The following IGDCC3 variants were observed in gnomAD, a reference collection of about 807,000 sequenced individuals.
IGDCC3 encodes immunoglobulin superfamily DCC subclass member 3.
IGDCC3 carries 47 observed loss-of-function variants against 72.0 expected under a neutral mutation model. That is an observed-to-expected ratio of 0.65 (90% confidence interval 0.52 to 0.83). The LOEUF (loss-of-function observed/expected upper bound fraction) is 0.83, where lower values mean the gene tolerates loss of function less well. Ranked by LOEUF, IGDCC3 falls within the 40% of genes least tolerant of loss-of-function variation. IGDCC3 has a pLI of 0.00. For synonymous variants in IGDCC3, 477 were observed against 472.8 expected (o/e 1.01, Z -0.11); for missense variants, 1,038 against 1,091.3 (o/e 0.95, Z 0.69).
chr15:65,328,368 T>G lies in IGDCC3; in HGVS notation c.*541A>C, dbSNP rs2090940378. The stretch of plus-strand genomic sequence containing the variant: ...AGAGGGGGTCCCCAGCAAGGGGACT[T>G]GAGGTAGGAGTGCATTCGGGCTCTG... On this transcript the variant is annotated 3_prime_UTR_variant, in exon 14 of 14. Coordinates refer to ENST00000327987, the MANE Select transcript of IGDCC3 (RefSeq NM_004884.4). 1 of 145,230 alleles carries G rather than the reference T, an allele frequency of 6.9e-6. No homozygotes were observed. Among genetic ancestry groups the G allele is most frequent in the Non-Finnish European group, 1.5e-5 (1 of 66,728 alleles). The allele number at this position is 145,230 out of a possible 1,614,324, so 9.0% of individuals were successfully genotyped here.
At chr15:65,351,318 C>T (rs953990100) in intron 2 of IGDCC3, among the ~76,000 whole-genome samples, 79 of 152,280 alleles carry the variant, frequency 5.2e-4, no homozygotes, top group African/African-American at 1.7e-3. Flanking sequence ...GGGCAGATCA[C>T]AAGGTCAGGA....
rs2090946164 is a variant in IGDCC3 at position 65,328,776 on chromosome 15, C to T, written c.*133G>A. 1 of 1,206,522 alleles carries T rather than the reference C, an allele frequency of 8.3e-7. No homozygotes were observed. The highest frequency in any genetic ancestry group is 1.6e-5 in the African/African-American group (1 of 63,516). 74.7% of individuals were successfully genotyped at this position (1,206,522 alleles called of 1,614,324 possible). On this transcript the variant is annotated 3_prime_UTR_variant, in exon 14 of 14. Transcript: ENST00000327987. Reference sequence around the variant, plus strand: ...CAAGGCTGCCTTGGGTTTTGACAACCCAAGAGGCAGTCAGGATAGAAATGC... The same window carrying T: ...CAAGGCTGCCTTGGGTTTTGACAACTCAAGAGGCAGTCAGGATAGAAATGC...
chr15:65,371,922 G>A (rs1038009105), intron 2 of IGDCC3, among the ~76,000 whole-genome samples: 10 of 152,238 alleles, frequency 6.6e-5, no homozygotes, highest in African/African-American at 2.4e-4. Context: ...AGAACCCTCA[G>A]TCCTCCCAGG....
intron 2 of IGDCC3, among the ~76,000 whole-genome samples, chr15:65,372,182 T>C (rs572675409): frequency 6.6e-6 from 1 of 152,324 alleles, no homozygotes; most frequent in Admixed American, 6.5e-5. Context: ...GCTTCCTGCG[T>C]GCCAGGCAAA....
rs1595747739 is a variant in IGDCC3, at chr15:65,329,240, T to TA, written c.2206-93_2206-92insT. 18 of 1,514,326 alleles carry TA rather than the reference T, an allele frequency of 1.2e-5. No individual in the cohort carries two copies. The East Asian group carries it at 4.1e-4, about 34-fold the overall frequency. The allele number at this position is 1,514,326 out of a possible 1,614,324, so 93.8% of individuals were successfully genotyped here. A position where few individuals can be genotyped will look rare whatever the true frequency, so the allele number is the denominator to read the frequency against. On this transcript the variant is annotated intron_variant, in intron 13 of 13. Coordinates refer to ENST00000327987, the MANE Select transcript of IGDCC3 (RefSeq NM_004884.4). This position sits in a 1 kb window ranked among gnomAD's most constrained non-coding sequence, Gnocchi z 4.1. Reference sequence around the variant, plus strand: ...ACTTGGGCCTTAGGGTCTCCAGGTCTCCCTGCCTGACTCAGGGACACAAAG... The same window carrying TA: ...ACTTGGGCCTTAGGGTCTCCAGGTCTACCCTGCCTGACTCAGGGACACAAAG...
rs1394271551 is a variant in IGDCC3, at chr15:65,329,851, T to G, written c.1872A>C (p.Pro624=). Residue 624 remains proline (P), a synonymous_variant, in exon 12 of 14, where the codon CCA becomes CCC. Coordinates refer to ENST00000327987, the MANE Select transcript of IGDCC3 (RefSeq NM_004884.4). The surrounding 1 kb of genome is among the most constrained non-coding windows in gnomAD (Gnocchi z 4.1). The part of the protein sequence containing the change: ...GASERTALSP[P]CDCRKEEAAN... ...CGGCCTCCTCCTTCCGGCAGTCACA[T>G]GGTGGGCTCAAGGCTGGGGACAGGG... is the stretch of plus-strand genomic sequence containing the variant. 1 of 1,613,890 alleles carries G rather than the reference T, an allele frequency of 6.2e-7. No individual in the cohort carries two copies. The highest frequency in any genetic ancestry group is 8.5e-7 in the Non-Finnish European group (1 of 1,180,030).
chr15:65,369,235 C>A (rs143367051), intron 2 of IGDCC3, among the ~76,000 whole-genome samples: 28 of 152,160 alleles, frequency 1.8e-4, no homozygotes, highest in Middle Eastern at 3.4e-3. Context: ...GAGGCAGGCA[C>A]GTCTTGAAGA....
intron 2 of IGDCC3, among the ~76,000 whole-genome samples, chr15:65,340,078 G>T (rs1427574201): frequency 1.3e-5 from 2 of 152,162 alleles, no homozygotes; most frequent in Non-Finnish European, 2.9e-5. Context: ...AGAGACAGAG[G>T]GCAGAGAGTG....
chr15:65,331,125 A>G lies in IGDCC3; in HGVS notation c.1486T>C (p.Phe496Leu), dbSNP rs779728815. 16 of 1,613,908 alleles carry G rather than the reference A, an allele frequency of 9.9e-6. No individual in the cohort carries two copies. The highest frequency in any genetic ancestry group is 1.3e-5 in the African/African-American group (1 of 74,888). The change falls in exon 9 of 14, where the codon TTC becomes CTC. Residue 496 changes from phenylalanine (F) to leucine (L), a missense_variant. Phe to Leu is a conservative substitution (Grantham distance 22). Transcript: ENST00000327987. The part of the protein sequence containing the change: ...SDLEPSTAYS[F>L]YIKAYTPRGA... Reference sequence around the variant, plus strand: ...CTTGGTGTGTAGGCCTTGATGTAGAAACTGTAGGCTGTGGAGGGCTCCAGG... The same window carrying G: ...CTTGGTGTGTAGGCCTTGATGTAGAGACTGTAGGCTGTGGAGGGCTCCAGG...
chr15:65,355,769 G>A (rs1187211332), intron 2 of IGDCC3: 1 of 453,726 alleles, frequency 2.2e-6, no homozygotes, highest in Non-Finnish European at 4.4e-6. Context: ...TGTGCGCGGC[G>A]AATGGAGAAA....
chr15:65,336,507 G>A (rs2091030292), intron 2 of IGDCC3, among the ~76,000 whole-genome samples: 1 of 151,780 alleles, frequency 6.6e-6, no homozygotes, highest in Non-Finnish European at 1.5e-5. Context: ...CCAGGGCCCG[G>A]GAGCTTTTTT....
chr15:65,337,373 G>A (rs983659854), intron 2 of IGDCC3, among the ~76,000 whole-genome samples: 12 of 152,218 alleles, frequency 7.9e-5, no homozygotes, highest in African/African-American at 2.7e-4. Flanking sequence ...CCGTGTATGT[G>A]GTCTGAGTGT....
chr15:65,369,868 C>T (rs545916131), intron 2 of IGDCC3, among the ~76,000 whole-genome samples: 7 of 152,262 alleles, frequency 4.6e-5, no homozygotes, highest in African/African-American at 1.7e-4. Context: ...AACCCCCACT[C>T]CAACCTGGTT....
chr15:65,372,342 G>A (rs1030550535), intron 2 of IGDCC3, among the ~76,000 whole-genome samples: 3 of 152,184 alleles, frequency 2.0e-5, no homozygotes, highest in Non-Finnish European at 2.9e-5. Flanking sequence ...CTACAAGCAC[G>A]TGGAGCTGCA....
At chr15:65,374,857 C>T (rs1368226376) in intron 2 of IGDCC3, among the ~76,000 whole-genome samples, 1 of 152,216 alleles carries the variant, frequency 6.6e-6, no homozygotes, top group Non-Finnish European at 1.5e-5. Context: ...TTCTCCCCGA[C>T]TCCCCTATGG....
intron 2 of IGDCC3, among the ~76,000 whole-genome samples, chr15:65,351,829 G>A (rs1292346855): frequency 1.3e-5 from 2 of 152,140 alleles, no homozygotes; most frequent in African/African-American, 2.4e-5. Context: ...TAATTGTTAT[G>A]TAACATTTTG....
intron 2 of IGDCC3, among the ~76,000 whole-genome samples, chr15:65,365,375 C>A (rs187194542): frequency 7.2e-4 from 110 of 152,244 alleles, no homozygotes; most frequent in African/African-American, 2.6e-3. Flanking sequence ...TTCCAATGGC[C>A]TTGGGGGCAG....
chr15:65,335,613 A>G (rs1468549298), intron 3 of IGDCC3, among the ~76,000 whole-genome samples, 192 bp from the exon 4 acceptor site: 2 of 152,068 alleles, frequency 1.3e-5, no homozygotes, highest in Non-Finnish European at 2.9e-5. Flanking sequence ...ACACATCCTC[A>G]GACACATCCA....
In IGDCC3 at chr15:65,330,533, G is replaced by A; in HGVS notation, c.1753+17C>T. On this transcript the variant is annotated intron_variant, in intron 10 of 13. Transcript: ENST00000327987. ...ACTCTGCCAAGCCCCCTAGGCTCTG[G>A]GCTGTGTCTGCCTCACCGAGCTGGC... The A allele has an allele frequency of 1.2e-6, 2 of 1,611,252 alleles. No individual in the cohort carries two copies. Among genetic ancestry groups the A allele is most frequent in the African/African-American group, 1.3e-5 (1 of 74,982 alleles).
Sources: gnomAD v4.1 joint callset for allele counts (sites outside exome capture counted in the v4.1 genomes callset) on GRCh38, gnomAD v4.1.1 for gene constraint, Gnocchi (gnomAD v3.1) non-coding constraint, MANE v1.5 for transcripts, NCBI Gene and HGNC (gene_info 2026-07-23, HGNC 2026-07-21) for gene names.